Variants in NCBP3 observed in about 807,000 individuals in gnomAD.
The protein encoded by NCBP3 is nuclear cap-binding protein subunit 3.
NCBP3 carries 20 observed loss-of-function variants against 75.7 expected under a neutral mutation model. The ratio of observed to expected loss-of-function variants is 0.26; its 90% CI spans 0.19 to 0.38. NCBP3 has a LOEUF of 0.38. Ranked by LOEUF, NCBP3 falls within the 10% of genes least tolerant of loss-of-function variation. The pLI, the probability that NCBP3 is intolerant of heterozygous loss-of-function variation, is 1.00. For synonymous variants in NCBP3, 293 were observed against 290.5 expected (o/e 1.01, Z -0.09); for missense variants, 678 against 796.9 (o/e 0.85, Z 1.80).
rs1008507534 is a variant in NCBP3 at position 3,802,445 on chromosome 17, C to T, written c.*10599G>A. The T allele has an allele frequency of 1.3e-4, 20 of 152,224 alleles. No homozygotes were observed. Among genetic ancestry groups the T allele is most frequent in the African/African-American group, 4.8e-4 (20 of 41,464 alleles). 9.4% of individuals were successfully genotyped at this position (152,224 alleles called of 1,614,324 possible). On this transcript the variant is annotated 3_prime_UTR_variant, in exon 13 of 13. Coordinates refer to ENST00000389005, the MANE Select transcript of NCBP3 (RefSeq NM_001114118.3). The stretch of plus-strand genomic sequence containing the variant: ...AAGTGCTTATGACTACTAGATCTTG[C>T]TCGGTTATGTGAGATTACAATTCAC...
rs1271937017 is a variant in NCBP3 at position 3,807,992 on chromosome 17, GAA to G, written c.*5050_*5051del. On this transcript the variant is annotated 3_prime_UTR_variant, in exon 13 of 13. Transcript: ENST00000389005. ...CGCTTAAACACAATGGTATTTGTCTGAAAAAGATTTAAAAAAAGAAAAACAAA... is the reference window on the plus strand; with the variant it reads ...CGCTTAAACACAATGGTATTTGTCTGAAAGATTTAAAAAAAGAAAAACAAA... 2 of 152,206 alleles carry G rather than the reference GAA, an allele frequency of 1.3e-5. No individual in the cohort carries two copies. The highest frequency in any genetic ancestry group is 2.9e-5 in the Non-Finnish European group (2 of 68,044). 9.4% of individuals were successfully genotyped at this position (152,206 alleles called of 1,614,324 possible).
At chr17:3,843,299 G>A in intron 1 of NCBP3, 148 bp from the exon 2 acceptor site, 3 of 650,694 alleles carry the variant, frequency 4.6e-6, no homozygotes, top group South Asian at 3.9e-5. Flanking sequence ...AGGCCGGAGT[G>A]CAGTAGAATG....
intron 3 of NCBP3, 69 bp from the exon 4 acceptor site, chr17:3,829,437 CCTT>C: frequency 6.7e-7 from 1 of 1,502,594 alleles, no homozygotes; most frequent in Non-Finnish European, 9.0e-7. Flanking sequence ...CATCCACACT[CCTT>C]CCTAATAGTT....
At chr17:3,833,640 A>AT (rs112149270) in intron 3 of NCBP3, among the ~76,000 whole-genome samples, 1,504 of 145,106 alleles carry the variant, frequency 0.01, 33 homozygotes, top group African/African-American at 0.033. Context: ...GACCTTCTCT[A>AT]TTTTTTTTAA....
rs1444048433 is a variant in NCBP3, at chr17:3,803,612, G to C, written c.*9432C>G. On this transcript the variant is annotated 3_prime_UTR_variant, in exon 13 of 13. Coordinates refer to ENST00000389005, the MANE Select transcript of NCBP3 (RefSeq NM_001114118.3). ...TTCAGAGAGGATAGGAAGAAACAGG[G>C]GTGAGGGAGAAGAGGAGGGAACGAA... is the stretch of plus-strand genomic sequence containing the variant. The C allele has an allele frequency of 1.3e-5, 2 of 152,258 alleles. No homozygotes were observed. Among genetic ancestry groups the C allele is most frequent in the Non-Finnish European group, 2.9e-5 (2 of 68,060 alleles). 9.4% of individuals were successfully genotyped at this position (152,258 alleles called of 1,614,324 possible).
chr17:3,829,154 G>C, intron 4 of NCBP3, 89 bp downstream of exon 4: 3 of 1,404,440 alleles, frequency 2.1e-6, no homozygotes, highest in Non-Finnish European at 2.9e-6. Context: ...CAAGTAGTAT[G>C]GGCCAGAACC....
rs1350020772 is a variant in NCBP3 at position 3,804,022 on chromosome 17, G to C, written c.*9022C>G. 6.6e-6 allele frequency: 1 copy of C among 152,170 alleles called. No homozygotes were observed. Among genetic ancestry groups the C allele is most frequent in the Non-Finnish European group, 1.5e-5 (1 of 68,090 alleles). 9.4% of individuals were successfully genotyped at this position (152,170 alleles called of 1,614,324 possible). ...AACCCAGGAGGCGGAGCTCGCAGTG[G>C]GCGGAGATCATGCCACTGCACTCCA... On this transcript the variant is annotated 3_prime_UTR_variant, in exon 13 of 13. Coordinates refer to ENST00000389005, the MANE Select transcript of NCBP3 (RefSeq NM_001114118.3).
At chr17:3,844,722 T>A (rs1044473100) in intron 1 of NCBP3, among the ~76,000 whole-genome samples, 3 of 152,068 alleles carry the variant, frequency 2.0e-5, no homozygotes, top group Non-Finnish European at 2.9e-5. Context: ...CGGTGGCACA[T>A]CCCTGTAATC....
At position 3,807,712 on chromosome 17, in the gene NCBP3, G is replaced by A. The variant is rs2053351634; in HGVS notation, c.*5332C>T. ...GCAGAAAAATGACTAGCCTGCCAGA[G>A]GGCCCCAGAGCCTCAGAGGATGGAG... On this transcript the variant is annotated 3_prime_UTR_variant, in exon 13 of 13. Transcript: ENST00000389005. The A allele has an allele frequency of 6.6e-6, 1 of 152,168 alleles. No individual in the cohort carries two copies. The highest frequency in any genetic ancestry group is 1.5e-5 in the Non-Finnish European group (1 of 68,040). 9.4% of individuals were successfully genotyped at this position (152,168 alleles called of 1,614,324 possible).
In NCBP3 at chr17:3,816,213, G is replaced by T; in HGVS notation, c.1368C>A (p.Asn456Lys). Reference sequence around the variant, plus strand: ...CTGCAAATTTCTCAGGTGGTAATTTGTTACCAATTCGGTTTTTGATATTGC... The same window carrying T: ...CTGCAAATTTCTCAGGTGGTAATTTTTTACCAATTCGGTTTTTGATATTGC... ...SSSNIKNRIG[N>K]KLPPEKFADV... The change falls in exon 11 of 13, where the codon AAC becomes AAA. Residue 456 changes from asparagine to lysine, a missense_variant. Physicochemically the swap from Asn to Lys is moderately conservative, Grantham distance 94. Around this residue, in one of 7 missense-constraint regions of NCBP3, gnomAD observed 365 missense variants for 392.7 expected, o/e 0.93. Coordinates refer to ENST00000389005, the MANE Select transcript of NCBP3 (RefSeq NM_001114118.3). 6.2e-7 allele frequency: 1 copy of T among 1,614,084 alleles called. No homozygotes were observed. The highest frequency in any genetic ancestry group is 8.5e-7 in the Non-Finnish European group (1 of 1,179,984).
intron 10 of NCBP3, among the ~76,000 whole-genome samples, chr17:3,816,535 C>T (rs760885430): frequency 4.6e-5 from 7 of 152,348 alleles, no homozygotes; most frequent in Non-Finnish European, 1.0e-4. Flanking sequence ...AACTACAAGT[C>T]CCCCTTTTCT....
chr17:3,813,343 G>C lies in NCBP3; in HGVS notation c.1628-64C>G. On this transcript the variant is annotated intron_variant, in intron 12 of 12. Transcript: ENST00000389005. ...GCTAAGAACCAGGGTAGCACTGAGG[G>C]GGCAGCAGCACTGCCAACACCTGCT... 5 of 1,583,584 alleles carry C rather than the reference G, an allele frequency of 3.2e-6. No individual in the cohort carries two copies. The South Asian group carries it at 5.6e-5, about 18-fold the overall frequency.
intron 2 of NCBP3, among the ~76,000 whole-genome samples, chr17:3,840,684 A>G (rs2054048655): frequency 6.6e-6 from 1 of 152,200 alleles, no homozygotes; most frequent in Non-Finnish European, 1.5e-5. Flanking sequence ...GAGCCCACCT[A>G]CAACCACTTC....
rs1019767963 is a variant in NCBP3, at chr17:3,806,926, A to G, written c.*6118T>C. The G allele has an allele frequency of 2.6e-5, 4 of 152,210 alleles. No homozygotes were observed. Among genetic ancestry groups the G allele is most frequent in the African/African-American group, 9.7e-5 (4 of 41,446 alleles). The allele number at this position is 152,210 out of a possible 1,614,324, so 9.4% of individuals were successfully genotyped here. On this transcript the variant is annotated 3_prime_UTR_variant, in exon 13 of 13. Transcript: ENST00000389005. ...TTTAACTTCTAATTTACTGCTTATT[A>G]TAAGGTTTAAAAGCAATTACTGTAC...
At position 3,829,241 on chromosome 17, in the gene NCBP3, A is replaced by G. The variant is rs2053837308; in HGVS notation, c.481+2T>C. 6.4e-7 allele frequency: 1 copy of G among 1,551,480 alleles called. No homozygotes were observed. Among genetic ancestry groups the G allele is most frequent in the African/African-American group, 1.4e-5 (1 of 73,058 alleles). Reference sequence around the variant, plus strand: ...ATTCACAGGAAACTCGGGTGTACTTACAGGAGGTATCATCCAACCATTCGA... The same window carrying G: ...ATTCACAGGAAACTCGGGTGTACTTGCAGGAGGTATCATCCAACCATTCGA... On this transcript the variant is annotated splice_donor_variant, in intron 4 of 12. Transcript: ENST00000389005. LOFTEE classifies it high-confidence loss of function.
chr17:3,846,199 C>G lies in NCBP3; in HGVS notation c.25G>C (p.Val9Leu). The G allele has an allele frequency of 6.7e-7, 1 of 1,482,488 alleles. No homozygotes were observed. The highest frequency in any genetic ancestry group is 8.9e-7 in the Non-Finnish European group (1 of 1,119,122). The allele number at this position is 1,482,488 out of a possible 1,614,324, so 91.8% of individuals were successfully genotyped here. The change falls in exon 1 of 13, where the codon GTG (valine) becomes CTG (leucine). Residue 9 changes from valine (V) to leucine (L), a missense_variant. By Grantham distance (32) the Val-to-Leu change is conservative. Coordinates refer to ENST00000389005, the MANE Select transcript of NCBP3 (RefSeq NM_001114118.3). This position sits in a 1 kb window ranked among gnomAD's most constrained non-coding sequence, Gnocchi z 4.6. MAAVRGLR[V>L]SVKAEAPAGP... ...GCCGGGGCCTCCGCCTTCACCGACACCCGCAGGCCCCGTACGGCCGCCATC... is the reference window on the plus strand; with the variant it reads ...GCCGGGGCCTCCGCCTTCACCGACAGCCGCAGGCCCCGTACGGCCGCCATC...
chr17:3,825,010 C>A lies in NCBP3; in HGVS notation c.728G>T (p.Arg243Ile). The A allele has an allele frequency of 6.5e-7, 1 of 1,546,138 alleles. No homozygotes were observed. The highest frequency in any genetic ancestry group is 8.7e-7 in the Non-Finnish European group (1 of 1,144,316). Residue 243 changes from arginine to isoleucine, a missense_variant, in exon 7 of 13, where the codon AGA (arginine) becomes ATA (isoleucine). Arg to Ile is a moderately conservative substitution (Grantham distance 97, BLOSUM62 -3). Coordinates refer to ENST00000389005, the MANE Select transcript of NCBP3 (RefSeq NM_001114118.3). ...TTTGTTAGCTGGACGAAGATCGTTT[C>A]TTAACAAAGACTCCTCTTCTACCTG... ...LSQVEEESLL[R>I]NDLRPANKLA... is the part of the protein sequence containing the mutation.
At chr17:3,825,564 T>C (rs1184114241) in intron 6 of NCBP3, among the ~76,000 whole-genome samples, 2 of 152,200 alleles carry the variant, frequency 1.3e-5, no homozygotes, top group Non-Finnish European at 2.9e-5. Flanking sequence ...TCTTTTTTTG[T>C]AGAAGCATAA....
chr17:3,821,449 GT>G, intron 8 of NCBP3, 97 bp from the exon 9 acceptor site: 1 of 933,390 alleles, frequency 1.1e-6, no homozygotes, highest in East Asian at 2.6e-5. Flanking sequence ...TTGTGATGGA[GT>G]CTCAATCTCT....
Sources: allele counts gnomAD v4.1 joint callset (sites outside exome capture counted in the v4.1 genomes callset), GRCh38; gene constraint gnomAD v4.1.1; regional missense constraint gnomAD v4.1.1; non-coding constraint Gnocchi (gnomAD v3.1); transcripts MANE v1.5; gene names NCBI Gene and HGNC (gene_info 2026-07-23, HGNC 2026-07-21).